The following CNTN1 variants were observed in gnomAD, a reference collection of about 807,000 sequenced individuals.
The protein encoded by CNTN1 is contactin-1.
In CNTN1, 38 loss-of-function variants were observed where a neutral mutation model predicts 126.4. The ratio of observed to expected loss-of-function variants is 0.30; its 90% CI spans 0.23 to 0.39. The LOEUF is 0.39. Ranked by LOEUF, CNTN1 falls within the 10% of genes least tolerant of loss-of-function variation. The pLI, the probability that CNTN1 is intolerant of heterozygous loss-of-function variation, is 1.00. For missense variants in CNTN1, 1,009 were observed against 1,248.4 expected (o/e 0.81, Z 2.89); for synonymous variants, 413 against 422.6 (o/e 0.98, Z 0.28).
chr12:40,922,711 A>G (rs141753799), intron 5 of CNTN1, among the ~76,000 whole-genome samples: 2 of 152,164 alleles, frequency 1.3e-5, no homozygotes, highest in African/African-American at 4.8e-5. Flanking sequence ...GGTGGCTCAC[A>G]CCTGTAATCC....
At chr12:40,981,788 G>A (rs1947828820) in intron 16 of CNTN1, among the ~76,000 whole-genome samples, 2 of 151,842 alleles carry the variant, frequency 1.3e-5, no homozygotes, top group African/African-American at 2.4e-5. Context: ...GTTTATCTTT[G>A]TAACTTTTGA....
At chr12:40,946,958 AT>A (rs1186965861) in intron 14 of CNTN1, among the ~76,000 whole-genome samples, 2 of 151,824 alleles carry the variant, frequency 1.3e-5, no homozygotes, top group African/African-American at 4.8e-5. Flanking sequence ...TCTTCTTTAT[AT>A]TTTTTCTAAT....
chr12:40,787,111 C>T (rs1015141471), intron 1 of CNTN1, among the ~76,000 whole-genome samples: 2 of 152,056 alleles, frequency 1.3e-5, no homozygotes, highest in Non-Finnish European at 2.9e-5. Context: ...TTATTTATAT[C>T]AATTTTTCCA....
chr12:40,703,136 T>C (rs571420924), intron 1 of CNTN1, among the ~76,000 whole-genome samples: 114 of 152,290 alleles, frequency 7.5e-4, no homozygotes, highest in African/African-American at 2.6e-3. Flanking sequence ...CTTTTGCATA[T>C]TCTCCCTAGT....
At chr12:40,837,561 CT>C (rs1438314764) in intron 1 of CNTN1, among the ~76,000 whole-genome samples, 1 of 152,210 alleles carries the variant, frequency 6.6e-6, no homozygotes, top group African/African-American at 2.4e-5. Context: ...GTCCCACACC[CT>C]TTCTGAGACC....
chr12:40,742,786 A>G (rs1938000863), intron 1 of CNTN1, among the ~76,000 whole-genome samples: 1 of 152,124 alleles, frequency 6.6e-6, no homozygotes, highest in African/African-American at 2.4e-5. Flanking sequence ...TCATGGTGCT[A>G]TGATAATTTT....
chr12:40,906,598 T>C (rs1944825774), intron 1 of CNTN1, among the ~76,000 whole-genome samples: 1 of 152,092 alleles, frequency 6.6e-6, no homozygotes, highest in Admixed American at 6.6e-5. Flanking sequence ...GTTGCTGTTT[T>C]AAATATGTTC....
At chr12:40,980,264 C>T (rs1243173983) in intron 15 of CNTN1, among the ~76,000 whole-genome samples, 2 of 151,860 alleles carry the variant, frequency 1.3e-5, no homozygotes, top group African/African-American at 4.8e-5. Context: ...GAAACCCAGT[C>T]TCTGCAAAAG....
In CNTN1 at chr12:40,830,832, T is replaced by TACAC. The variant is rs1555165567; in HGVS notation, c.-76-77524_-76-77523insCACA. On this transcript the variant is annotated intron_variant, in intron 1 of 23. Coordinates refer to ENST00000551295, the MANE Select transcript of CNTN1 (RefSeq NM_001843.4). ...ATATATATATATATATATATATATA[T>TACAC]ATACTCTTTATCTGTCTACCTAACT... Among the ~76,000 whole-genome samples the TACAC allele has an allele frequency of 6.8e-5, 6 of 88,698 alleles. No homozygotes were observed. In the East Asian group the frequency reaches 1.1e-3, roughly 17 times the overall value. 58.2% of individuals were successfully genotyped at this position (88,698 alleles called of 152,430 possible).
intron 23 of CNTN1, among the ~76,000 whole-genome samples, chr12:41,068,846 C>T (rs1566258799): frequency 6.6e-6 from 1 of 152,158 alleles, no homozygotes; most frequent in Admixed American, 6.5e-5. Flanking sequence ...ATAGTGCCAG[C>T]CAGGCATGGT....
At chr12:40,815,279 A>G (rs770893572) in intron 1 of CNTN1, among the ~76,000 whole-genome samples, 8 of 152,200 alleles carry the variant, frequency 5.3e-5, no homozygotes, top group Middle Eastern at 3.2e-3. Context: ...CTTCCTATCC[A>G]TGAGGATGGA....
intron 23 of CNTN1, among the ~76,000 whole-genome samples, chr12:41,034,398 T>A (rs780183345): frequency 2.0e-5 from 3 of 152,188 alleles, no homozygotes; most frequent in Non-Finnish European, 4.4e-5. Context: ...TAGAAAACTA[T>A]TTTTTGGGTA....
chr12:40,862,237 G>A (rs543058775), intron 1 of CNTN1, among the ~76,000 whole-genome samples: 14 of 66,346 alleles, frequency 2.1e-4, no homozygotes, highest in African/African-American at 3.7e-4. Flanking sequence ...ACACACACAC[G>A]AAATATTTTT....
At chr12:41,006,091 T>C (rs773781618) in intron 17 of CNTN1, among the ~76,000 whole-genome samples, 1 of 152,214 alleles carries the variant, frequency 6.6e-6, no homozygotes, top group Non-Finnish European at 1.5e-5. Context: ...CTTTGATTTT[T>C]TTTCTCTTTT....
chr12:41,000,296 TA>T (rs1948324664), intron 17 of CNTN1, among the ~76,000 whole-genome samples: 1 of 152,212 alleles, frequency 6.6e-6, no homozygotes, highest in Non-Finnish European at 1.5e-5. Flanking sequence ...ATTTTAGAGT[TA>T]TTTTTGAAAT....
chr12:40,944,224 C>A, intron 14 of CNTN1, 54 bp downstream of exon 14: 1 of 1,465,934 alleles, frequency 6.8e-7, no homozygotes, highest in Non-Finnish European at 9.5e-7. Flanking sequence ...TATGTGTCTG[C>A]ATTGAAAGTT....
chr12:40,846,696 T>C (rs529813168), intron 1 of CNTN1, among the ~76,000 whole-genome samples: 2,801 of 99,994 alleles, frequency 0.028, 47 homozygotes, highest in Non-Finnish European at 0.039. Context: ...TAAATTTTTG[T>C]TGTTGTTGCT....
chr12:40,894,564 T>G (rs17128908), intron 1 of CNTN1, among the ~76,000 whole-genome samples: 1 of 152,098 alleles, frequency 6.6e-6, no homozygotes, highest in African/African-American at 2.4e-5. Context: ...ATATAAAATA[T>G]GTCACAGAAA....
intron 1 of CNTN1, among the ~76,000 whole-genome samples, chr12:40,845,821 G>GTATC (rs1339347203): frequency 6.6e-6 from 1 of 152,154 alleles, no homozygotes; most frequent in Non-Finnish European, 1.5e-5. Context: ...CTTGCCCTAT[G>GTATC]TATCTCTTCT....
Sources: gnomAD v4.1 joint callset for allele counts (sites outside exome capture counted in the v4.1 genomes callset) on GRCh38, gnomAD v4.1.1 for gene constraint, MANE v1.5 for transcripts, NCBI Gene and HGNC (gene_info 2026-07-23, HGNC 2026-07-21) for gene names.